Variants in MRPS35 observed in about 807,000 individuals in gnomAD.
MRPS35 encodes the protein mitochondrial ribosomal protein S35.
A neutral mutation model predicts 32.7 loss-of-function variants in MRPS35; 29 were observed. That is an observed-to-expected ratio of 0.89 (90% confidence interval 0.66 to 1.21). The LOEUF (loss-of-function observed/expected upper bound fraction) is 1.21. Ranked by LOEUF, MRPS35 falls within the 50% of genes most tolerant of loss-of-function variation. MRPS35 has a pLI of 0.00. For synonymous variants in MRPS35, 148 were observed against 139.3 expected, an observed-to-expected ratio of 1.06 and a Z score of -0.44; for missense variants, 373 against 383.8, an observed-to-expected ratio of 0.97 and a Z score of 0.23.
intron 7 of MRPS35, among the ~76,000 whole-genome samples, chr12:27,742,382 G>A (rs986373838): frequency 6.6e-6 from 1 of 152,178 alleles, no homozygotes; most frequent in Admixed American, 6.5e-5. Flanking sequence ...CAAAATGAAT[G>A]ACCCCCTGCC....
chr12:27,734,948 G>A (rs2061937231), intron 5 of MRPS35, among the ~76,000 whole-genome samples: 1 of 152,154 alleles, frequency 6.6e-6, no homozygotes, highest in Non-Finnish European at 1.5e-5. Flanking sequence ...CCCTGATGCT[G>A]TATTCCAGCT....
intron 4 of MRPS35, among the ~76,000 whole-genome samples, chr12:27,723,098 T>G (rs540110739): frequency 6.6e-6 from 1 of 152,306 alleles, no homozygotes; most frequent in South Asian, 2.1e-4. Context: ...TACTTTTAGC[T>G]GTTCTTAGAG....
At position 27,715,227 on chromosome 12, in the gene MRPS35, C is replaced by T. The variant is rs562845698; in HGVS notation, c.153+407C>T. 5.9e-5 allele frequency among the ~76,000 whole-genome samples: 9 copies of T among 152,306 alleles called. No individual in the cohort carries two copies. In the East Asian group the frequency reaches 1.7e-3, roughly 29 times the overall value. On this transcript the variant is annotated intron_variant, in intron 2 of 7. Coordinates refer to ENST00000081029, the MANE Select transcript of MRPS35 (RefSeq NM_021821.4). Reference sequence around the variant, plus strand: ...CTTGGCTCACTGGTACCTCTGCCTCCCGGGTTCAAGTGGTTCTCCTGCCTC... The same window carrying T: ...CTTGGCTCACTGGTACCTCTGCCTCTCGGGTTCAAGTGGTTCTCCTGCCTC...
At chr12:27,725,149 A>G (rs921627204) in intron 5 of MRPS35, among the ~76,000 whole-genome samples, 1 of 152,156 alleles carries the variant, frequency 6.6e-6, no homozygotes, top group Non-Finnish European at 1.5e-5. Context: ...CTCCTGGCTC[A>G]AGTGATCTTC....
intron 7 of MRPS35, among the ~76,000 whole-genome samples, chr12:27,747,251 A>G (rs961273016): frequency 1.3e-5 from 2 of 152,066 alleles, no homozygotes; most frequent in Non-Finnish European, 2.9e-5. Context: ...CTTTTAATAC[A>G]CCTCAGTTGT....
At chr12:27,737,850 G>C (rs938715065) in intron 7 of MRPS35, among the ~76,000 whole-genome samples, 2 of 152,154 alleles carry the variant, frequency 1.3e-5, no homozygotes, top group African/African-American at 4.8e-5. Flanking sequence ...TGAAACTTCA[G>C]AGTTTTTGAC....
intron 7 of MRPS35, among the ~76,000 whole-genome samples, chr12:27,752,335 G>A (rs1179244547): frequency 6.6e-6 from 1 of 152,164 alleles, no homozygotes; most frequent in Non-Finnish European, 1.5e-5. Flanking sequence ...GCAAACCAGT[G>A]TATAATTATA....
At chr12:27,744,529 T>A (rs887187872) in intron 7 of MRPS35, among the ~76,000 whole-genome samples, 8 of 152,218 alleles carry the variant, frequency 5.3e-5, no homozygotes, top group Non-Finnish European at 1.0e-4. Context: ...GTGAGTTCAG[T>A]TCATGATGCA....
chr12:27,718,624 A>T (rs1015961078), intron 3 of MRPS35, among the ~76,000 whole-genome samples: 2 of 152,242 alleles, frequency 1.3e-5, no homozygotes, highest in Admixed American at 6.5e-5. Context: ...CACACTATGA[A>T]TGATTCAGTA....
intron 7 of MRPS35, among the ~76,000 whole-genome samples, chr12:27,752,192 C>T (rs892275137): frequency 3.9e-5 from 6 of 152,092 alleles, no homozygotes; most frequent in Non-Finnish European, 7.4e-5. Flanking sequence ...TTGAGCCTGG[C>T]GGTAGGTAAG....
chr12:27,732,478 C>T (rs959558631), intron 5 of MRPS35, among the ~76,000 whole-genome samples: 1 of 152,162 alleles, frequency 6.6e-6, no homozygotes. Flanking sequence ...CTGCACCCCA[C>T]CTGCTGGCTG....
chr12:27,752,312 G>GGCATACCTA (rs1565472724), intron 7 of MRPS35, among the ~76,000 whole-genome samples: 1 of 152,204 alleles, frequency 6.6e-6, no homozygotes, highest in Admixed American at 6.5e-5. Flanking sequence ...TGGCATACCT[G>GGCATACCTA]TAATACATCT....
intron 5 of MRPS35, among the ~76,000 whole-genome samples, chr12:27,731,304 T>C (rs147523104): frequency 5.0e-4 from 76 of 152,360 alleles, no homozygotes; most frequent in African/African-American, 1.8e-3. Context: ...GGGTGACTAC[T>C]ACCTCTTTGA....
chr12:27,732,128 TAAC>T (rs1245264415), intron 5 of MRPS35, among the ~76,000 whole-genome samples: 5 of 152,344 alleles, frequency 3.3e-5, no homozygotes, highest in Middle Eastern at 6.8e-3. Context: ...ATAATAATGG[TAAC>T]AACTACAACC....
intron 1 of MRPS35, 130 bp downstream of exon 1, chr12:27,711,085 G>A: frequency 2.5e-6 from 2 of 788,498 alleles, no homozygotes; most frequent in Non-Finnish European, 4.2e-6. Flanking sequence ...TGCCAGGCCC[G>A]TCTGGTAGGA....
chr12:27,714,232 C>A (rs746982315), intron 1 of MRPS35, among the ~76,000 whole-genome samples: 1 of 152,108 alleles, frequency 6.6e-6, no homozygotes, highest in Non-Finnish European at 1.5e-5. Context: ...TTGACAGACT[C>A]TGTAAGAGTC....
rs760776564 is a variant in MRPS35, at chr12:27,714,777, C to T, written c.113-3C>T. The T allele has an allele frequency of 1.9e-5, 31 of 1,607,998 alleles. No homozygotes were observed. The Admixed American group carries it at 4.9e-4, about 25-fold the overall frequency. ...TAACTACTGTGTTATCTTTTACGTA[C>T]AGCGGAAAGAACACCCGGAAATGAA... On this transcript the variant is annotated splice_polypyrimidine_tract_variant and splice_region_variant and intron_variant, in intron 1 of 7. Transcript: ENST00000081029.
At position 27,716,450 on chromosome 12, in the gene MRPS35, C is replaced by G; in HGVS notation, c.313C>G (p.Leu105Val). 1.9e-6 allele frequency: 3 copies of G among 1,614,010 alleles called. No homozygotes were observed. The highest frequency in any genetic ancestry group is 2.5e-6 in the Non-Finnish European group (3 of 1,180,002). The change falls in exon 3 of 8, where the codon CTT (leucine) becomes GTT (valine). Residue 105 changes from leucine (L) to valine (V), a missense_variant. Physicochemically the swap from Leu to Val is conservative, Grantham distance 32. Coordinates refer to ENST00000081029, the MANE Select transcript of MRPS35 (RefSeq NM_021821.4). ...VPMAKEGNLE[L>V]LKIPNFLHLT... ...CATGGCAAAGGAGGGAAATCTAGAA[C>G]TTTTAAAGGTAAGACAAATTGCTGA...
intron 7 of MRPS35, among the ~76,000 whole-genome samples, chr12:27,751,122 A>AAAAAAAAG (rs1565472346): frequency 1.1e-4 from 17 of 148,358 alleles, no homozygotes; most frequent in African/African-American, 3.9e-4. Context: ...AAAAAAAAAA[A>AAAAAAAAG]AAAAGAAAAG....
Sources: gnomAD v4.1 joint callset for allele counts (sites outside exome capture counted in the v4.1 genomes callset) on GRCh38, gnomAD v4.1.1 for gene constraint, MANE v1.5 for transcripts, NCBI Gene and HGNC (gene_info 2026-07-23, HGNC 2026-07-21) for gene names.